The following PHKA1 variants were observed in gnomAD, a reference collection of about 807,000 sequenced individuals.
The protein encoded by PHKA1 is phosphorylase kinase regulatory subunit alpha 1, also known as phosphorylase b kinase regulatory subunit alpha, skeletal muscle isoform.
Under a neutral mutation model 110.2 loss-of-function variants are expected in PHKA1, and 60 were observed. That is an observed-to-expected ratio of 0.54 (90% CI 0.44 to 0.68). The LOEUF (loss-of-function observed/expected upper bound fraction) is 0.68. Among genes scored for constraint, PHKA1 ranks in the 30% least tolerant of loss-of-function variants. PHKA1 has a pLI of 0.00. For synonymous variants in PHKA1, 316 were observed against 333.6 expected, an observed-to-expected ratio of 0.95 and a Z score of 0.58; for missense variants, 801 against 942.5, an observed-to-expected ratio of 0.85 and a Z score of 1.97.
chrX:72,644,767 A>G (rs1045741746), intron 13 of PHKA1, among the ~76,000 whole-genome samples: 11 of 111,714 alleles, frequency 9.8e-5, no homozygotes, highest in Non-Finnish European at 2.1e-4. Context: ...CTCTTTTTAT[A>G]TCTAAGATTC....
chrX:72,619,139 G>T, intron 20 of PHKA1, 75 bp downstream of exon 20: 2 of 637,121 alleles, frequency 3.1e-6, no homozygotes, highest in South Asian at 4.7e-5. Context: ...GAACCATAAT[G>T]ACTAGTCCTA....
chrX:72,685,136 G>T (rs782497580), intron 4 of PHKA1, among the ~76,000 whole-genome samples: 25 of 111,358 alleles, frequency 2.2e-4, no homozygotes, highest in African/African-American at 8.1e-4. Flanking sequence ...TTTTCTCCAT[G>T]AGGCTTAAAG....
intron 17 of PHKA1, among the ~76,000 whole-genome samples, chrX:72,624,983 T>G (rs920114966): frequency 1.8e-5 from 2 of 112,422 alleles, no homozygotes; most frequent in Non-Finnish European, 3.8e-5. Flanking sequence ...ATATAACAAC[T>G]AACTGCTAAC....
At chrX:72,614,521 G>A (rs782799192) in intron 21 of PHKA1, among the ~76,000 whole-genome samples, 3 of 111,854 alleles carry the variant, frequency 2.7e-5, no homozygotes, top group East Asian at 5.6e-4. Flanking sequence ...CCTTGACAGA[G>A]AGAAATGCAA....
chrX:72,605,168 G>T, intron 25 of PHKA1, 103 bp downstream of exon 25: 1 of 780,463 alleles, frequency 1.3e-6, no homozygotes, highest in Non-Finnish European at 1.9e-6. Flanking sequence ...CAGCTTCTGA[G>T]CTATGGATAA....
At chrX:72,625,817 C>A (rs781972886) in intron 17 of PHKA1, among the ~76,000 whole-genome samples, 195 of 111,277 alleles carry the variant, frequency 1.8e-3, no homozygotes, top group Non-Finnish European at 3.3e-3. Context: ...AGGTATGCAC[C>A]AACACGCCTG....
chrX:72,599,975 G>C (rs1328968711), intron 28 of PHKA1: 21 of 409,857 alleles, frequency 5.1e-5, no homozygotes, highest in Non-Finnish European at 9.1e-5. Flanking sequence ...ATTTCAGTAT[G>C]TAGTCAGCAC....
chrX:72,582,443 C>A lies in PHKA1; in HGVS notation c.3453G>T (p.Val1151=). The A allele has an allele frequency of 1.7e-6, 2 of 1,208,022 alleles. No homozygotes were observed. Among genetic ancestry groups the A allele is most frequent in the Middle Eastern group, 2.3e-4 (1 of 4,350 alleles). ...EIHSIGSIIA[V]EKIVHIANDL... is the part of the protein sequence containing the mutation. The stretch of plus-strand genomic sequence containing the variant: ...CATTGGCAATATGCACTATTTTTTC[C>A]ACAGCAATGATGCTTCCGATGCTAT... The change falls in exon 31 of 32, where the codon GTG becomes GTT. Residue 1151 remains valine (V), a synonymous_variant. Coordinates refer to ENST00000373542, the MANE Select transcript of PHKA1 (RefSeq NM_002637.4).
At chrX:72,666,414 C>T (rs1486748801) in intron 7 of PHKA1, 117 bp from the exon 8 acceptor site, 1 of 611,768 alleles carries the variant, frequency 1.6e-6, no homozygotes, top group Non-Finnish European at 2.6e-6. Context: ...TAGAAAAGAA[C>T]ATTCTTTATC....
At chrX:72,591,162 C>A (rs782111461) in intron 29 of PHKA1, among the ~76,000 whole-genome samples, 4 of 112,133 alleles carry the variant, frequency 3.6e-5, no homozygotes, top group South Asian at 3.8e-4. Flanking sequence ...GGGACCAATG[C>A]AAATGCCCAT....
At chrX:72,680,193 T>C (rs782645458) in intron 5 of PHKA1, among the ~76,000 whole-genome samples, 2 of 111,175 alleles carry the variant, frequency 1.8e-5, no homozygotes, top group South Asian at 3.9e-4. Flanking sequence ...TTTGTATTTT[T>C]AGTAGAGACA....
rs191246623 is a variant in PHKA1, at chrX:72,627,482, G to C, written c.1715-433C>G. 4.5e-3 allele frequency among the ~76,000 whole-genome samples: 506 copies of C among 112,083 alleles called. 1 individual carries two copies. The highest frequency in any genetic ancestry group is 0.011 in the Admixed American group (119 of 10,602). On this transcript the variant is annotated intron_variant, in intron 16 of 31. Transcript: ENST00000373542. ...TATAGGCATAAAAAATATCTAGAAA[G>C]CTAACAATTACCTGATTTTATGTGG...
chrX:72,598,836 G>A (rs1326282522), intron 28 of PHKA1, among the ~76,000 whole-genome samples: 2 of 110,880 alleles, frequency 1.8e-5, no homozygotes, highest in Non-Finnish European at 3.8e-5. Context: ...AACTTCTCAC[G>A]TTTTAATTTG....
chrX:72,630,345 A>G (rs927772476), intron 16 of PHKA1, among the ~76,000 whole-genome samples: 1 of 110,533 alleles, frequency 9.0e-6, no homozygotes, highest in African/African-American at 3.3e-5. Context: ...ATTGAAGTGG[A>G]GAAAGTCTAT....
intron 5 of PHKA1, among the ~76,000 whole-genome samples, chrX:72,681,687 C>T (rs1224142219): frequency 1.2e-5 from 1 of 86,077 alleles, no homozygotes; most frequent in Non-Finnish European, 2.3e-5. Flanking sequence ...GTCAGCCCCC[C>T]ACCTGGCCAG....
chrX:72,592,827 C>T (rs1316526724), intron 29 of PHKA1, among the ~76,000 whole-genome samples: 1 of 112,409 alleles, frequency 8.9e-6, no homozygotes, highest in Non-Finnish European at 1.9e-5. Context: ...AAATGTATCA[C>T]AATGTCCAAC....
intron 5 of PHKA1, among the ~76,000 whole-genome samples, chrX:72,682,367 G>T (rs1200457556): frequency 9.2e-6 from 1 of 109,258 alleles, no homozygotes; most frequent in African/African-American, 3.3e-5. Flanking sequence ...CCGGCCAGCC[G>T]CCCCGTCCGG....
chrX:72,695,991 CA>C, intron 3 of PHKA1, 115 bp from the exon 4 acceptor site: 1 of 620,680 alleles, frequency 1.6e-6, no homozygotes, highest in Non-Finnish European at 2.7e-6. Flanking sequence ...TATCTTCAGG[CA>C]ATTGTGAATA....
At chrX:72,659,990 G>A (rs2053541287) in intron 8 of PHKA1, among the ~76,000 whole-genome samples, 1 of 112,369 alleles carries the variant, frequency 8.9e-6, no homozygotes, top group Non-Finnish European at 1.9e-5. Flanking sequence ...TACAGTGTGT[G>A]TATACAGTTA....
Sources: allele counts gnomAD v4.1 joint callset (sites outside exome capture counted in the v4.1 genomes callset), GRCh38; gene constraint gnomAD v4.1.1; transcripts MANE v1.5; gene names NCBI Gene and HGNC (gene_info 2026-07-23, HGNC 2026-07-21).